The following MEFV variants were observed in gnomAD, a reference collection of about 807,000 sequenced individuals.
The protein encoded by MEFV is pyrin.
Under a neutral mutation model 62.5 loss-of-function variants are expected in MEFV, and 60 were observed. The ratio of observed to expected loss-of-function variants is 0.96; its 90% CI spans 0.78 to 1.19. The LOEUF is 1.19. Among genes scored for constraint, MEFV ranks in the 50% most tolerant of loss-of-function variants. MEFV has a pLI of 0.00. For synonymous variants in MEFV, 500 were observed against 415.2 expected, an observed-to-expected ratio of 1.20 and a Z score of -2.48; for missense variants, 1,169 against 1,004.5, an observed-to-expected ratio of 1.16 and a Z score of -2.21.
intron 6 of MEFV, 55 bp downstream of exon 6, chr16:3,246,470 C>T: frequency 6.2e-7 from 1 of 1,606,910 alleles, no homozygotes; most frequent in Non-Finnish European, 8.5e-7. Flanking sequence ...GGGACTGTCT[C>T]CCCCATATGC....
In MEFV at chr16:3,247,058, T is replaced by C. The variant is rs1596352608; in HGVS notation, c.1545A>G (p.Glu515=). The C allele has an allele frequency of 6.2e-7, 1 of 1,614,172 alleles. No individual in the cohort carries two copies. Among genetic ancestry groups the C allele is most frequent in the Non-Finnish European group, 8.5e-7 (1 of 1,180,018 alleles). ...DIALLDALIG[E]LEAKECQSEW... The stretch of plus-strand genomic sequence containing the variant: ...CTGACTGGCACTCCTTGGCCTCCAG[T>C]TCCCCAATCAGCGCATCGAGCAGGG... The change falls in exon 5 of 10, where the codon GAA becomes GAG. Residue 515 remains glutamate, a synonymous_variant. Coordinates refer to ENST00000219596, the MANE Select transcript of MEFV (RefSeq NM_000243.3).
rs573749170 is a variant in MEFV at position 3,250,455 on chromosome 16, A to G, written c.911-675T>C. Among the ~76,000 whole-genome samples the G allele has an allele frequency of 5.2e-4, 79 of 152,132 alleles. 2 individuals are homozygous for G. The South Asian group carries it at 0.016, about 30-fold the overall frequency. On this transcript the variant is annotated intron_variant, in intron 2 of 9. Coordinates refer to ENST00000219596, the MANE Select transcript of MEFV (RefSeq NM_000243.3). The stretch of plus-strand genomic sequence containing the variant: ...AAGAGCCCACCTCTACAAAAAATTA[A>G]AAAATTAGCCAGGTGTGGTGGTGCA...
chr16:3,248,707 T>G, intron 4 of MEFV: 4 of 1,430,490 alleles, frequency 2.8e-6, no homozygotes, highest in Non-Finnish European at 3.7e-6. Flanking sequence ...GACAGGATCC[T>G]CAGAGGTGAC....
At position 3,243,068 on chromosome 16, in the gene MEFV, G is replaced by T; in HGVS notation, c.*73C>A. 2 of 1,531,274 alleles carry T rather than the reference G, an allele frequency of 1.3e-6. No homozygotes were observed. Among genetic ancestry groups the T allele is most frequent in the Non-Finnish European group, 1.8e-6 (2 of 1,108,102 alleles). 94.9% of individuals were successfully genotyped at this position (1,531,274 alleles called of 1,614,324 possible). On this transcript the variant is annotated 3_prime_UTR_variant, in exon 10 of 10. Coordinates refer to ENST00000219596, the MANE Select transcript of MEFV (RefSeq NM_000243.3). ...TCCCATAGCAGCTAGCACCTAGTCG[G>T]CATTCCGTGACTATTGAGTGTGAAT...
chr16:3,252,337 G>A (rs1047364322), intron 2 of MEFV, among the ~76,000 whole-genome samples: 2 of 148,326 alleles, frequency 1.3e-5, no homozygotes, highest in South Asian at 4.2e-4. Context: ...GCAGTGGCAT[G>A]ATCTTGGCTC....
At chr16:3,244,059 G>A (rs1958902622) in intron 8 of MEFV, 167 bp from the exon 9 acceptor site, 1 of 1,551,686 alleles carries the variant, frequency 6.4e-7, no homozygotes, top group African/African-American at 1.4e-5. Context: ...CCATGTTGGG[G>A]ACTGTGGTCT....
rs1053594972 is a variant in MEFV, at chr16:3,254,357, C to A, written c.711G>T (p.Lys237Asn). 2 of 1,614,250 alleles carry A rather than the reference C, an allele frequency of 1.2e-6. No homozygotes were observed. Among genetic ancestry groups the A allele is most frequent in the Non-Finnish European group, 1.7e-6 (2 of 1,180,030 alleles). ...RPFEVYLPSGKMRPRSLEVTI... is the reference protein window; with the variant it reads ...RPFEVYLPSGNMRPRSLEVTI... Reference sequence around the variant, plus strand: ...TGACCTCAAGGCTTCTAGGTCGCATCTTTCCCGAGGGCAGGTACACTTCGA... The same window carrying A: ...TGACCTCAAGGCTTCTAGGTCGCATATTTCCCGAGGGCAGGTACACTTCGA... Residue 237 changes from lysine (K) to asparagine (N), a missense_variant, in exon 2 of 10, where the codon AAG becomes AAT. Lys to Asn is a moderately conservative substitution (Grantham distance 94). Transcript: ENST00000219596.
At position 3,243,697 on chromosome 16, in the gene MEFV, G is replaced by A. The variant is rs1465105401; in HGVS notation, c.1793-3C>T. ...TTCTGCATCCAGAATCACATTAACT[G>A]CAAAGAAAATTTGAATACCTAGGTA... On this transcript the variant is annotated splice_region_variant and splice_polypyrimidine_tract_variant and intron_variant, in intron 9 of 9. Transcript: ENST00000219596. The A allele has an allele frequency of 1.2e-6, 2 of 1,610,740 alleles. No homozygotes were observed. Among genetic ancestry groups the A allele is most frequent in the African/African-American group, 1.3e-5 (1 of 74,844 alleles).
At position 3,243,571 on chromosome 16, in the gene MEFV, C is replaced by T. The variant is rs1439074921; in HGVS notation, c.1916G>A (p.Cys639Tyr). Residue 639 changes from cysteine (C) to tyrosine (Y), a missense_variant, in exon 10 of 10, where the codon TGT (cysteine) becomes TAT (tyrosine). Physicochemically the swap from Cys to Tyr is radical, Grantham distance 194. Coordinates refer to ENST00000219596, the MANE Select transcript of MEFV (RefSeq NM_000243.3). ...LPDGPQRFDS[C>Y]IIVLGSPSFL... ...ACTCGGAGAGCCCAGAACAATGATA[C>T]AGCTGTCAAATCTTTGCGGGCCATC... The T allele has an allele frequency of 5.6e-6, 9 of 1,609,416 alleles. No homozygotes were observed. Among genetic ancestry groups the T allele is most frequent in the African/African-American group, 1.3e-5 (1 of 74,680 alleles).
In MEFV at chr16:3,254,459, C is replaced by T. The variant is rs1367317709; in HGVS notation, c.609G>A (p.Leu203=). 1.2e-6 allele frequency: 2 copies of T among 1,605,902 alleles called. No homozygotes were observed. The highest frequency in any genetic ancestry group is 1.7e-6 in the Non-Finnish European group (2 of 1,176,440). ...TCCCCGCGGAGCTGGCGTTTCTGCG[C>T]AGCCGGACCTCGGCCTGGCCCCCCT... The part of the protein sequence containing the change: ...ALEGGQAEVR[L]RRNASSAGRL... Residue 203 remains leucine, a synonymous_variant, in exon 2 of 10, where the codon CTG becomes CTA. Transcript: ENST00000219596.
In MEFV at chr16:3,249,520, C is replaced by G; in HGVS notation, c.1171G>C (p.Asp391His). 1 of 1,614,196 alleles carries G rather than the reference C, an allele frequency of 6.2e-7. No individual in the cohort carries two copies. Among genetic ancestry groups the G allele is most frequent in the Non-Finnish European group, 8.5e-7 (1 of 1,180,034 alleles). The change falls in exon 3 of 10, where the codon GAT becomes CAT. Residue 391 changes from aspartate (D) to histidine (H), a missense_variant. Asp to His is a moderately conservative substitution (Grantham distance 81). Coordinates refer to ENST00000219596, the MANE Select transcript of MEFV (RefSeq NM_000243.3). Reference sequence around the variant, plus strand: ...CTGCAGATGAGGCAGATGGGCTCATCGTGATCCTCACAGAAGAGCAGCTGG... The same window carrying G: ...CTGCAGATGAGGCAGATGGGCTCATGGTGATCCTCACAGAAGAGCAGCTGG... ...QVQLLFCEDH[D>H]EPICLICSLS...
chr16:3,253,292 G>A (rs1014484187), intron 2 of MEFV, among the ~76,000 whole-genome samples: 1 of 152,068 alleles, frequency 6.6e-6, no homozygotes, highest in South Asian at 2.1e-4. Flanking sequence ...TTGTGTCCAT[G>A]CGATGTAGGA....
In MEFV at chr16:3,250,171, G is replaced by C. The variant is rs530513152; in HGVS notation, c.911-391C>G. 8.5e-5 allele frequency among the ~76,000 whole-genome samples: 13 copies of C among 152,326 alleles called. No homozygotes were observed. The South Asian group carries it at 2.7e-3, about 32-fold the overall frequency. ...CCCATAACGTGAGTGGAGGCTTCCAGGGGATGGTGACTTGTGTACCTCGCT... is the reference window on the plus strand; with the variant it reads ...CCCATAACGTGAGTGGAGGCTTCCACGGGATGGTGACTTGTGTACCTCGCT... On this transcript the variant is annotated intron_variant, in intron 2 of 9. Transcript: ENST00000219596.
In MEFV at chr16:3,249,413, C is replaced by G. The variant is rs104895136; in HGVS notation, c.1260+18G>C. 1.9e-6 allele frequency: 3 copies of G among 1,606,614 alleles called. No individual in the cohort carries two copies. The highest frequency in any genetic ancestry group is 1.7e-5 in the Admixed American group (1 of 60,002). ...CAAGTGCCTGGCAGAGAAGAGCCCACAGGCAGGGAGTGCCTACCTTGTGTT... is the reference window on the plus strand; with the variant it reads ...CAAGTGCCTGGCAGAGAAGAGCCCAGAGGCAGGGAGTGCCTACCTTGTGTT... On this transcript the variant is annotated intron_variant, in intron 3 of 9. Transcript: ENST00000219596.
At chr16:3,246,672 AG>A (rs2141668602) in intron 5 of MEFV, 125 bp from the exon 6 acceptor site, 1 of 1,032,258 alleles carries the variant, frequency 9.7e-7, no homozygotes, top group South Asian at 1.3e-5. Flanking sequence ...TCCCTGCCCT[AG>A]GGTGTCAGTG....
At position 3,256,536 on chromosome 16, in the gene MEFV, G is replaced by T. The variant is rs538078075; in HGVS notation, c.52C>A (p.Pro18Thr). 3 of 1,614,202 alleles carry T rather than the reference G, an allele frequency of 1.9e-6. No individual in the cohort carries two copies. The African/African-American group carries it at 4.0e-5, about 22-fold the overall frequency. ...HLLSTLEELV[P>T]YDFEKFKFKL... ...AACTTGAACTTCTCGAAGTCATAGG[G>T]CACCAGCTCCTCCAGGGTGGACAGC... Residue 18 changes from proline (P) to threonine (T), a missense_variant, in exon 1 of 10, where the codon CCC (proline) becomes ACC (threonine). Coordinates refer to ENST00000219596, the MANE Select transcript of MEFV (RefSeq NM_000243.3).
At chr16:3,256,189 T>G (rs1165777591) in intron 1 of MEFV, 122 bp downstream of exon 1, 12 of 1,187,616 alleles carry the variant, frequency 1.0e-5, no homozygotes. Flanking sequence ...TCATCTGGAT[T>G]TTGGTAGACC....
At chr16:3,247,968 A>G (rs1398522964) in intron 4 of MEFV, 1 of 149,924 alleles carries the variant, frequency 6.7e-6, no homozygotes, top group Non-Finnish European at 1.5e-5. Context: ...CTAAAAAACA[A>G]AAAAACCAGC....
rs1325409054 is a variant in MEFV, at chr16:3,256,534, G to A, written c.54C>T (p.Pro18=). ...HLLSTLEELV[P]YDFEKFKFKL... is the part of the protein sequence containing the mutation. ...TGAACTTGAACTTCTCGAAGTCATA[G>A]GGCACCAGCTCCTCCAGGGTGGACA... The change falls in exon 1 of 10, where the codon CCC becomes CCT. Residue 18 remains proline (P), a synonymous_variant. Transcript: ENST00000219596. 1.2e-6 allele frequency: 2 copies of A among 1,614,208 alleles called. No homozygotes were observed. Among genetic ancestry groups the A allele is most frequent in the South Asian group, 2.2e-5 (2 of 91,086 alleles).
Sources: gnomAD v4.1 joint callset for allele counts (sites outside exome capture counted in the v4.1 genomes callset) on GRCh38, gnomAD v4.1.1 for gene constraint, MANE v1.5 for transcripts, NCBI Gene and HGNC (gene_info 2026-07-23, HGNC 2026-07-21) for gene names.